Variants in OTUD7A observed in about 807,000 individuals in gnomAD.
OTUD7A encodes OTU deubiquitinase 7A.
OTUD7A carries 12 observed loss-of-function variants against 65.7 expected under a neutral mutation model. The observed-to-expected ratio is 0.18, with a 90% CI of 0.12 to 0.30. The LOEUF (loss-of-function observed/expected upper bound fraction) is 0.30, where lower values mean the gene tolerates loss of function less well. OTUD7A is among the 10% of genes least tolerant of loss of function. The pLI is 1.00. For missense variants in OTUD7A, 1,148 were observed against 1,304.8 expected, an observed-to-expected ratio of 0.88 and a Z score of 1.85; for synonymous variants, 641 against 586.3, an observed-to-expected ratio of 1.09 and a Z score of -1.35.
intron 3 of OTUD7A, among the ~76,000 whole-genome samples, chr15:31,641,914 T>C (rs953714337): frequency 6.6e-6 from 1 of 152,190 alleles, no homozygotes; most frequent in Non-Finnish European, 1.5e-5. Flanking sequence ...TATAATTTAT[T>C]GTTTGACTGC....
chr15:31,533,047 C>T (rs896097808), intron 5 of OTUD7A, among the ~76,000 whole-genome samples: 11 of 151,550 alleles, frequency 7.3e-5, no homozygotes, highest in Admixed American at 2.0e-4. Flanking sequence ...TGAGCAAACC[C>T]TAAACAGAAA....
intron 3 of OTUD7A, among the ~76,000 whole-genome samples, chr15:31,640,577 T>A (rs542787182): frequency 9.9e-5 from 15 of 152,190 alleles, no homozygotes; most frequent in Non-Finnish European, 2.1e-4. Context: ...AATCCAATTA[T>A]CCCACAATTT....
rs558068348 is a variant in OTUD7A, at chr15:31,680,723, G to A, written c.-99-23646C>T. On this transcript the variant is annotated intron_variant, in intron 1 of 12. Transcript: ENST00000307050. Reference sequence around the variant, plus strand: ...TAAATAAGATACAAGAAATGACAGGGGACTGGGCTCCAGATGGAGGCAGAT... The same window carrying A: ...TAAATAAGATACAAGAAATGACAGGAGACTGGGCTCCAGATGGAGGCAGAT... 2.6e-5 allele frequency among the ~76,000 whole-genome samples: 4 copies of A among 152,346 alleles called. No homozygotes were observed. In the East Asian group the frequency reaches 7.7e-4, roughly 29 times the overall value.
intron 1 of OTUD7A, among the ~76,000 whole-genome samples, chr15:31,777,198 T>C (rs1408891481): frequency 1.3e-5 from 2 of 152,130 alleles, no homozygotes; most frequent in Non-Finnish European, 2.9e-5. Context: ...CCCTGCATCC[T>C]CACATGACAG....
At chr15:31,717,258 TA>T (rs1893614999) in intron 1 of OTUD7A, among the ~76,000 whole-genome samples, 1 of 152,216 alleles carries the variant, frequency 6.6e-6, no homozygotes, top group African/African-American at 2.4e-5. Context: ...ATTTTTATTA[TA>T]CTCTAAGTTC....
At chr15:31,776,711 G>A (rs1419648783) in intron 1 of OTUD7A, among the ~76,000 whole-genome samples, 2 of 152,152 alleles carry the variant, frequency 1.3e-5, no homozygotes, top group African/African-American at 4.8e-5. Flanking sequence ...TACTGTGACT[G>A]CCAGGGTCTG....
In OTUD7A at chr15:31,769,585, TAAAC is replaced by T. The variant is rs1443405019; in HGVS notation, c.-100+100918_-100+100921del. Among the ~76,000 whole-genome samples the T allele has an allele frequency of 2.6e-5, 4 of 152,312 alleles. No individual in the cohort carries two copies. In the East Asian group the frequency reaches 7.7e-4, roughly 29 times the overall value. ...AAATATCCTTCACAGTGTGAATGAA[TAAAC>T]AAACGGTGGTGCATCCACACAATGA... On this transcript the variant is annotated intron_variant, in intron 1 of 12. Transcript: ENST00000307050.
chr15:31,568,933 C>T (rs932123586), intron 4 of OTUD7A, among the ~76,000 whole-genome samples: 1 of 152,212 alleles, frequency 6.6e-6, no homozygotes, highest in Non-Finnish European at 1.5e-5. Context: ...ATGCCAGCAC[C>T]ATACTTCCTG....
At chr15:31,735,853 A>G (rs1020733951) in intron 1 of OTUD7A, among the ~76,000 whole-genome samples, 1 of 152,260 alleles carries the variant, frequency 6.6e-6, no homozygotes, top group African/African-American at 2.4e-5. Context: ...AATGTGGTAC[A>G]TAAACATCAT....
chr15:31,555,424 A>G (rs1418175424), intron 5 of OTUD7A, among the ~76,000 whole-genome samples: 1 of 152,194 alleles, frequency 6.6e-6, no homozygotes, highest in African/African-American at 2.4e-5. Context: ...TAAAGATTCT[A>G]AGCACTAAGC....
At chr15:31,590,742 G>A (rs1889698987) in intron 3 of OTUD7A, among the ~76,000 whole-genome samples, 1 of 152,166 alleles carries the variant, frequency 6.6e-6, no homozygotes, top group East Asian at 1.9e-4. Context: ...TCTAAACAAT[G>A]ATGCAAATAT....
intron 3 of OTUD7A, among the ~76,000 whole-genome samples, chr15:31,623,479 C>T (rs1890861437): frequency 6.6e-6 from 1 of 152,246 alleles, no homozygotes; most frequent in Non-Finnish European, 1.5e-5. Flanking sequence ...CGCCCCTCCC[C>T]CAGCCTCACT....
At chr15:31,541,547 C>T (rs530256342) in intron 5 of OTUD7A, among the ~76,000 whole-genome samples, 3 of 152,154 alleles carry the variant, frequency 2.0e-5, no homozygotes, top group Admixed American at 1.3e-4. Flanking sequence ...AGCAGGAGGG[C>T]ACAGATTTAA....
chr15:31,798,667 A>T lies in OTUD7A; in HGVS notation c.-100+71840T>A, dbSNP rs533315528. Among the ~76,000 whole-genome samples, 8 of 152,336 alleles carry T rather than the reference A, an allele frequency of 5.3e-5. No individual in the cohort carries two copies. In the East Asian group the frequency reaches 1.2e-3, roughly 22 times the overall value. On this transcript the variant is annotated intron_variant, in intron 1 of 12. Transcript: ENST00000307050. ...AACTTGCTCCAACACCTTAAGTGCC[A>T]AAAGTAAACAATGAGGCTCACTGGA...
chr15:31,734,586 C>G (rs1229354555), intron 1 of OTUD7A, among the ~76,000 whole-genome samples: 2 of 152,102 alleles, frequency 1.3e-5, no homozygotes, highest in African/African-American at 4.8e-5. Context: ...AATAGAGAGA[C>G]CAGAAATAAG....
At chr15:31,618,828 T>A (rs1350082066) in intron 3 of OTUD7A, among the ~76,000 whole-genome samples, 2 of 152,212 alleles carry the variant, frequency 1.3e-5, no homozygotes, top group Non-Finnish European at 2.9e-5. Context: ...GCTTTTGGTG[T>A]TTTAGAGATG....
chr15:31,611,676 CA>C (rs1890427174), intron 3 of OTUD7A, among the ~76,000 whole-genome samples: 3 of 151,748 alleles, frequency 2.0e-5, no homozygotes, highest in African/African-American at 4.8e-5. Flanking sequence ...AAATTACCAA[CA>C]AAAAAAAGTC....
chr15:31,826,831 C>G (rs1228081785), intron 1 of OTUD7A, among the ~76,000 whole-genome samples: 2 of 152,212 alleles, frequency 1.3e-5, no homozygotes, highest in African/African-American at 4.8e-5. Context: ...CCACAGATCT[C>G]TAGGGCTGGG....
chr15:31,492,743 A>G (rs1339925531), intron 10 of OTUD7A, among the ~76,000 whole-genome samples: 1 of 152,220 alleles, frequency 6.6e-6, no homozygotes, highest in Non-Finnish European at 1.5e-5. Flanking sequence ...GCAAAAGAGA[A>G]ACAAAAGGAA....
Sources: allele counts gnomAD v4.1 joint callset (sites outside exome capture counted in the v4.1 genomes callset), GRCh38; gene constraint gnomAD v4.1.1; transcripts MANE v1.5; gene names NCBI Gene and HGNC (gene_info 2026-07-23, HGNC 2026-07-21).